The following LGR5 variants were observed in gnomAD, a reference collection of about 807,000 sequenced individuals.
The protein encoded by LGR5 is leucine-rich repeat-containing G protein-coupled receptor 5.
In LGR5, 54 loss-of-function variants were observed where a neutral mutation model predicts 76.7. The ratio of observed to expected loss-of-function variants is 0.70; its 90% CI spans 0.57 to 0.88. The LOEUF (loss-of-function observed/expected upper bound fraction) is 0.88. LGR5 is among the 40% of genes least tolerant of loss of function. The pLI, the probability that LGR5 is intolerant of heterozygous loss-of-function variation, is 0.00. For missense variants in LGR5, 1,078 were observed against 1,073.3 expected (o/e 1.00, Z -0.06); for synonymous variants, 406 against 421.9 (o/e 0.96, Z 0.46).
intron 4 of LGR5, among the ~76,000 whole-genome samples, chr12:71,543,964 C>T (rs1255567100): frequency 6.6e-6 from 1 of 152,158 alleles, no homozygotes; most frequent in East Asian, 1.9e-4. Context: ...AAAAATAAAA[C>T]TGAAGAAGTT....
intron 2 of LGR5, among the ~76,000 whole-genome samples, chr12:71,522,150 A>T (rs1037611044): frequency 6.6e-6 from 1 of 152,226 alleles, no homozygotes; most frequent in East Asian, 1.9e-4. Context: ...CCCACTAGGG[A>T]TCAGGGAATT....
intron 1 of LGR5, among the ~76,000 whole-genome samples, chr12:71,472,326 A>G (rs1367417915): frequency 1.3e-5 from 2 of 152,200 alleles, no homozygotes; most frequent in East Asian, 1.9e-4. Context: ...TGAGATAACT[A>G]TTATTATCCC....
At chr12:71,551,757 T>C (rs1877495799) in intron 4 of LGR5, among the ~76,000 whole-genome samples, 2 of 152,186 alleles carry the variant, frequency 1.3e-5, no homozygotes, top group Admixed American at 1.3e-4. Context: ...TGGCAACAGC[T>C]CATTAACCAG....
intron 2 of LGR5, among the ~76,000 whole-genome samples, chr12:71,519,650 A>C (rs1336043498): frequency 4.6e-5 from 7 of 151,294 alleles, no homozygotes; most frequent in Admixed American, 4.6e-4. Flanking sequence ...AAAAACAAAA[A>C]ACAAAAAACA....
intron 7 of LGR5, among the ~76,000 whole-genome samples, chr12:71,561,513 T>C (rs1296375222): frequency 1.3e-5 from 2 of 152,252 alleles, no homozygotes; most frequent in African/African-American, 4.8e-5. Context: ...TAACAGATTT[T>C]CTTCTTATAA....
intron 4 of LGR5, among the ~76,000 whole-genome samples, chr12:71,541,540 G>A (rs1185857324): frequency 1.3e-5 from 2 of 152,182 alleles, no homozygotes; most frequent in Non-Finnish European, 2.9e-5. Flanking sequence ...CACGGTCTGT[G>A]ATCAGTTGTG....
rs1410141007 is a variant in LGR5 at position 71,584,486 on chromosome 12, C to T, written c.2476C>T (p.His826Tyr). 6.2e-7 allele frequency: 1 copy of T among 1,614,174 alleles called. No individual in the cohort carries two copies. ...NPLLYILFNP[H>Y]FKEDLVSLRK... ...CCTTCTCTACATCTTGTTCAATCCT[C>T]ACTTTAAGGAGGATCTGGTGAGCCT... is the stretch of plus-strand genomic sequence containing the variant. Residue 826 changes from histidine (H) to tyrosine (Y), a missense_variant, in exon 18 of 18, where the codon CAC (histidine) becomes TAC (tyrosine). By Grantham distance (83) the His-to-Tyr change is moderately conservative. Coordinates refer to ENST00000266674, the MANE Select transcript of LGR5 (RefSeq NM_003667.4).
At chr12:71,545,038 G>A (rs1394061996) in intron 4 of LGR5, among the ~76,000 whole-genome samples, 6 of 152,114 alleles carry the variant, frequency 3.9e-5, no homozygotes, top group East Asian at 3.9e-4. Context: ...TTGGGAAGCC[G>A]AGGCAGGAGG....
intron 1 of LGR5, among the ~76,000 whole-genome samples, chr12:71,503,727 G>A (rs1284847555): frequency 2.6e-5 from 4 of 152,096 alleles, no homozygotes; most frequent in East Asian, 1.9e-4. Context: ...CTTCAGGTTC[G>A]TGCAACAAGT....
Position 71,440,319 on chromosome 12 carries a change from G to C in LGR5, c.212+27G>C. The C allele has an allele frequency of 6.3e-7, 1 of 1,594,218 alleles. No homozygotes were observed. Among genetic ancestry groups the C allele is most frequent in the Non-Finnish European group, 8.5e-7 (1 of 1,170,560 alleles). ...TAAGTACTTCCCCACGTCACTCCGG[G>C]AGAGAGACTAAGAGGGGAAGGAAGG... On this transcript the variant is annotated intron_variant, in intron 1 of 17. Coordinates refer to ENST00000266674, the MANE Select transcript of LGR5 (RefSeq NM_003667.4). This position sits in a 1 kb window ranked among gnomAD's most constrained non-coding sequence, Gnocchi z 5.3.
intron 2 of LGR5, among the ~76,000 whole-genome samples, chr12:71,511,522 T>C (rs942852834): frequency 6.6e-6 from 1 of 152,134 alleles, no homozygotes; most frequent in Admixed American, 6.6e-5. Context: ...GGATCACCTG[T>C]AGTGCTTGTA....
At chr12:71,454,772 CACAA>C (rs1221537970) in intron 1 of LGR5, among the ~76,000 whole-genome samples, 3 of 139,484 alleles carry the variant, frequency 2.2e-5, no homozygotes, top group Non-Finnish European at 3.0e-5. Context: ...CGTGCATAGA[CACAA>C]ACACACACAC....
chr12:71,534,353 T>G (rs966580675), intron 3 of LGR5, among the ~76,000 whole-genome samples: 1 of 152,196 alleles, frequency 6.6e-6, no homozygotes, highest in Non-Finnish European at 1.5e-5. Flanking sequence ...TGTTCAAGAT[T>G]TTCAAGTGCA....
chr12:71,526,266 T>G (rs1212002031), intron 3 of LGR5, among the ~76,000 whole-genome samples: 1 of 152,224 alleles, frequency 6.6e-6, no homozygotes, highest in Non-Finnish European at 1.5e-5. Context: ...ATCTGATATG[T>G]ACTTTTACCT....
intron 2 of LGR5, among the ~76,000 whole-genome samples, chr12:71,524,153 T>C (rs969629112): frequency 1.3e-5 from 2 of 152,240 alleles, no homozygotes; most frequent in Non-Finnish European, 2.9e-5. Context: ...TATATATATG[T>C]ACATATGGTA....
intron 1 of LGR5, chr12:71,448,338 T>C (rs558591925): frequency 1.7e-4 from 26 of 152,316 alleles, no homozygotes; most frequent in African/African-American, 5.3e-4. Context: ...CTCAGGAAAG[T>C]AGAAAACCAC....
At chr12:71,445,924 A>G (rs1043338389) in intron 1 of LGR5, among the ~76,000 whole-genome samples, 2 of 152,202 alleles carry the variant, frequency 1.3e-5, no homozygotes, top group African/African-American at 4.8e-5. Flanking sequence ...ATGCAAAGGA[A>G]CCAACTCCTG....
intron 1 of LGR5, among the ~76,000 whole-genome samples, chr12:71,477,014 T>C (rs12297191): frequency 0.018 from 2,810 of 152,146 alleles, 99 homozygotes; most frequent in African/African-American, 0.065. Context: ...AAAGAAATTA[T>C]AGTAGACAGG....
rs1234857558 is a variant in LGR5 at position 71,556,640 on chromosome 12, C to A, written c.666C>A (p.Ile222=). The A allele has an allele frequency of 4.3e-6, 7 of 1,611,652 alleles. No homozygotes were observed. Among genetic ancestry groups the A allele is most frequent in the South Asian group, 1.1e-5 (1 of 91,038 alleles). ...GCAGACATCTCCATAACAATAGAATCCACTCCCTGGGAAAGAAATGCTTTG... is the reference window on the plus strand; with the variant it reads ...GCAGACATCTCCATAACAATAGAATACACTCCCTGGGAAAGAAATGCTTTG... ...LVVLHLHNNR[I]HSLGKKCFDG... The change falls in exon 6 of 18, where the codon ATC becomes ATA. Residue 222 remains isoleucine (I), a synonymous_variant. Transcript: ENST00000266674.
Sources: gnomAD v4.1 joint callset for allele counts (sites outside exome capture counted in the v4.1 genomes callset) on GRCh38, gnomAD v4.1.1 for gene constraint, Gnocchi (gnomAD v3.1) non-coding constraint, MANE v1.5 for transcripts, NCBI Gene and HGNC (gene_info 2026-07-23, HGNC 2026-07-21) for gene names.